The following MKLN1 variants were observed in gnomAD, a reference collection of about 807,000 sequenced individuals.
The protein encoded by MKLN1 is muskelin.
Under a neutral mutation model 99.0 loss-of-function variants are expected in MKLN1, and 18 were observed. The observed-to-expected ratio is 0.18, with a 90% confidence interval of 0.13 to 0.27. The LOEUF (loss-of-function observed/expected upper bound fraction) is 0.27, where lower values mean the gene tolerates loss of function less well. Among genes scored for constraint, MKLN1 ranks in the 10% least tolerant of loss-of-function variants. The pLI, the probability that MKLN1 is intolerant of heterozygous loss-of-function variation, is 1.00. For missense variants in MKLN1, 621 were observed against 875.9 expected, an observed-to-expected ratio of 0.71 and a Z score of 3.67; for synonymous variants, 288 against 293.2, an observed-to-expected ratio of 0.98 and a Z score of 0.18.
intron 3 of MKLN1, among the ~76,000 whole-genome samples, chr7:131,308,757 G>A (rs1222669831): frequency 1.3e-5 from 2 of 151,636 alleles, no homozygotes; most frequent in Non-Finnish European, 2.9e-5. Context: ...GGCTAATTTT[G>A]TATTTTTAGT....
At chr7:131,198,292 T>C (rs1796678326) in intron 2 of MKLN1, among the ~76,000 whole-genome samples, 1 of 152,250 alleles carries the variant, frequency 6.6e-6, no homozygotes, top group African/African-American at 2.4e-5. Flanking sequence ...TTAAACTATA[T>C]TCCAGCATGT....
chr7:131,387,324 G>C, intron 3 of MKLN1, 62 bp downstream of exon 3: 2 of 1,454,514 alleles, frequency 1.4e-6, no homozygotes, highest in Non-Finnish European at 1.9e-6. Context: ...TAGTCTTTTT[G>C]TAGCTAATCT....
chr7:131,494,411 G>C lies in MKLN1; in HGVS notation c.*6683G>C, dbSNP rs1184260446. ...GAGCCATGCCATCAGGTGTTTGCAA[G>C]TGACAGCTGTAGTGTGTTGCCTCAA... On this transcript the variant is annotated 3_prime_UTR_variant, in exon 18 of 18. Transcript: ENST00000352689. 5 of 152,172 alleles carry C rather than the reference G, an allele frequency of 3.3e-5. No homozygotes were observed. The highest frequency in any genetic ancestry group is 1.2e-4 in the African/African-American group (5 of 41,428). 9.4% of individuals were successfully genotyped at this position (152,172 alleles called of 1,614,324 possible). A position where few individuals can be genotyped will look rare whatever the true frequency, so the allele number is the denominator to read the frequency against.
intron 3 of MKLN1, among the ~76,000 whole-genome samples, chr7:131,249,083 A>G (rs1054907947): frequency 1.4e-4 from 22 of 152,212 alleles, no homozygotes; most frequent in African/African-American, 5.1e-4. Flanking sequence ...TCCACTAAGG[A>G]AAACATAGCC....
chr7:131,242,440 G>A (rs926297441), intron 3 of MKLN1: 2 of 196,942 alleles, frequency 1.0e-5, no homozygotes, highest in Admixed American at 5.8e-5. Flanking sequence ...GGAGGCTGAC[G>A]TGTGAGGATC....
chr7:131,469,781 C>T (rs1000897886), intron 15 of MKLN1, among the ~76,000 whole-genome samples: 7 of 151,952 alleles, frequency 4.6e-5, no homozygotes, highest in South Asian at 2.1e-4. Context: ...ATAACAGAGA[C>T]GTTATCTTTT....
intron 3 of MKLN1, among the ~76,000 whole-genome samples, chr7:131,293,977 A>C (rs1563281998): frequency 6.6e-6 from 1 of 152,012 alleles, no homozygotes; most frequent in Non-Finnish European, 1.5e-5. Context: ...GCTCTTTAGC[A>C]GGCATCCCTG....
chr7:131,173,427 A>T (rs941452328), intron 2 of MKLN1, among the ~76,000 whole-genome samples: 6 of 152,320 alleles, frequency 3.9e-5, no homozygotes, highest in African/African-American at 1.4e-4. Context: ...CTTTATAAAA[A>T]CATAGTCTTG....
At chr7:131,176,661 A>G (rs1291069728) in intron 2 of MKLN1, among the ~76,000 whole-genome samples, 1 of 152,266 alleles carries the variant, frequency 6.6e-6, no homozygotes, top group South Asian at 2.1e-4. Flanking sequence ...GTGCTGGCCA[A>G]TGGAAACAGC....
At chr7:131,417,322 G>C (rs1372808702) in intron 8 of MKLN1, among the ~76,000 whole-genome samples, 1 of 152,138 alleles carries the variant, frequency 6.6e-6, no homozygotes, top group Non-Finnish European at 1.5e-5. Flanking sequence ...ATTTTAGTTA[G>C]AGCCATTTTG....
chr7:131,377,198 A>G (rs531957021), intron 2 of MKLN1, among the ~76,000 whole-genome samples: 8 of 152,310 alleles, frequency 5.3e-5, no homozygotes, highest in African/African-American at 1.9e-4. Context: ...ACCTTGGAGT[A>G]GAATTGTTGA....
At chr7:131,416,039 G>A (rs772788594) in intron 8 of MKLN1, among the ~76,000 whole-genome samples, 5 of 151,852 alleles carry the variant, frequency 3.3e-5, no homozygotes, top group Admixed American at 6.6e-5. Flanking sequence ...CAAGCAGTCC[G>A]CCTGCTGCAA....
intron 3 of MKLN1, among the ~76,000 whole-genome samples, chr7:131,255,043 C>G (rs976997139): frequency 2.0e-5 from 3 of 152,114 alleles, no homozygotes; most frequent in Non-Finnish European, 2.9e-5. Flanking sequence ...CATGTGCCAT[C>G]ATACCTGGCT....
At chr7:131,141,677 G>A (rs1795735493) in intron 1 of MKLN1, among the ~76,000 whole-genome samples, 1 of 152,038 alleles carries the variant, frequency 6.6e-6, no homozygotes, top group East Asian at 1.9e-4. Context: ...CTCTTTATTT[G>A]GTTAACTCCT....
intron 3 of MKLN1, among the ~76,000 whole-genome samples, chr7:131,235,262 G>C (rs1217543788): frequency 6.6e-6 from 1 of 151,920 alleles, no homozygotes; most frequent in Non-Finnish European, 1.5e-5. Flanking sequence ...GTGTGTGGGT[G>C]AGTGAGCCTG....
rs187494351 is a variant in MKLN1, at chr7:131,347,609, A to G, written c.98+19612A>G. 1.2e-4 allele frequency among the ~76,000 whole-genome samples: 19 copies of G among 152,246 alleles called. 1 individual carries two copies. The East Asian group carries it at 2.5e-3, about 20-fold the overall frequency. ...AAGGAAAAATAAAGGGCCCAAATCCATTTTCAAAGAGGAGACAAAAAGAGT... is the reference window on the plus strand; with the variant it reads ...AAGGAAAAATAAAGGGCCCAAATCCGTTTTCAAAGAGGAGACAAAAAGAGT... On this transcript the variant is annotated intron_variant, in intron 1 of 17. Transcript: ENST00000352689.
intron 2 of MKLN1, among the ~76,000 whole-genome samples, chr7:131,378,123 T>G: frequency 6.6e-6 from 1 of 152,198 alleles, no homozygotes; most frequent in Non-Finnish European, 1.5e-5. Flanking sequence ...GTTTATTTAT[T>G]TTTTTGAGAC....
Position 131,463,271 on chromosome 7 carries a change from T to TA in MKLN1, c.1581dup (p.His528ThrfsTer10). ...ACTATTGATCCAGAACTGAATGAAATACACGTCTTATCTGGACTCAGCAAA... is the reference window on the plus strand; with the variant it reads ...ACTATTGATCCAGAACTGAATGAAATAACACGTCTTATCTGGACTCAGCAAA... On this transcript the variant is annotated frameshift_variant, in exon 13 of 18. Transcript: ENST00000352689. LOFTEE classifies it high-confidence loss of function. 1 of 1,612,362 alleles carries TA rather than the reference T, an allele frequency of 6.2e-7. No homozygotes were observed. The highest frequency in any genetic ancestry group is 8.5e-7 in the Non-Finnish European group (1 of 1,179,094).
At chr7:131,472,005 C>CT (rs1394747334) in intron 16 of MKLN1, 1 of 152,216 alleles carries the variant, frequency 6.6e-6, no homozygotes, top group East Asian at 1.9e-4. Flanking sequence ...GCAGGACATG[C>CT]TTTAGAACCC....
Sources: allele counts gnomAD v4.1 joint callset (sites outside exome capture counted in the v4.1 genomes callset), GRCh38; gene constraint gnomAD v4.1.1; transcripts MANE v1.5; gene names NCBI Gene and HGNC (gene_info 2026-07-23, HGNC 2026-07-21).